The following PPP4R3A variants were observed in gnomAD, a reference collection of about 807,000 sequenced individuals.
The protein encoded by PPP4R3A is serine/threonine-protein phosphatase 4 regulatory subunit 3A.
A neutral mutation model predicts 91.7 loss-of-function variants in PPP4R3A; 15 were observed. The observed-to-expected ratio is 0.16, with a 90% CI of 0.11 to 0.25. The LOEUF (loss-of-function observed/expected upper bound fraction) is 0.25, where lower values mean the gene tolerates loss of function less well. PPP4R3A is among the 10% of genes least tolerant of loss of function. The pLI is 1.00. For missense variants in PPP4R3A, 623 were observed against 998.4 expected, an observed-to-expected ratio of 0.62 and a Z score of 5.07; for synonymous variants, 377 against 348.7, an observed-to-expected ratio of 1.08 and a Z score of -0.91.
At chr14:91,461,693 C>T (rs1888172384) in intron 13 of PPP4R3A, 86 bp from the exon 14 acceptor site, 3 of 1,291,340 alleles carry the variant, frequency 2.3e-6, no homozygotes, top group Non-Finnish European at 1.1e-6. Context: ...ACACATTTAA[C>T]TAGCTTACTA....
intron 2 of PPP4R3A, among the ~76,000 whole-genome samples, chr14:91,486,421 C>G (rs1889886301): frequency 6.6e-6 from 1 of 152,138 alleles, no homozygotes; most frequent in South Asian, 2.1e-4. Flanking sequence ...GCCCTCCCGC[C>G]TTGGCCTCCC....
At chr14:91,468,742 T>C (rs1316736982) in intron 10 of PPP4R3A, among the ~76,000 whole-genome samples, 1 of 151,012 alleles carries the variant, frequency 6.6e-6, no homozygotes, top group Non-Finnish European at 1.5e-5. Flanking sequence ...CACACTTTTT[T>C]TTTTTACCCA....
intron 3 of PPP4R3A, among the ~76,000 whole-genome samples, chr14:91,485,011 G>A (rs1889800262): frequency 6.6e-6 from 1 of 151,914 alleles, no homozygotes; most frequent in Admixed American, 6.6e-5. Flanking sequence ...TACTGCTCAA[G>A]ACAAGTACAA....
rs200903867 is a variant in PPP4R3A at position 91,481,870 on chromosome 14, A to G, written c.621T>C (p.Leu207=). ...KGIFLLNRTA[L]FEVMFSEECI... Reference sequence around the variant, plus strand: ...ATTCTTCAGAGAACATAACTTCAAAAAGAGCAGTTCGATTCAAGAGAAAGA... The same window carrying G: ...ATTCTTCAGAGAACATAACTTCAAAGAGAGCAGTTCGATTCAAGAGAAAGA... Residue 207 remains leucine (L), a synonymous_variant, in exon 4 of 15, where the codon CTT becomes CTC. Coordinates refer to ENST00000554943, the MANE Select transcript of PPP4R3A (RefSeq NM_001366432.2). 2.1e-5 allele frequency: 34 copies of G among 1,614,160 alleles called. No individual in the cohort carries two copies. The highest frequency in any genetic ancestry group is 2.5e-5 in the Non-Finnish European group (29 of 1,180,042).
rs569583665 is a variant in PPP4R3A at position 91,461,187 on chromosome 14, ATT to A, written c.2391+192_2391+193del. On this transcript the variant is annotated intron_variant, in intron 14 of 14. Transcript: ENST00000554943. ...GAATTCACACTATATGCAGACTTGC[ATT>A]GGTCATAAAAAAAACTTTCAGAAAT... Among the ~76,000 whole-genome samples, 837 of 152,208 alleles carry A rather than the reference ATT, an allele frequency of 5.5e-3. 5 individuals carry two copies. Among genetic ancestry groups the A allele is most frequent in the African/African-American group, 0.019 (794 of 41,502 alleles).
rs775663211 is a variant in PPP4R3A at position 91,471,006 on chromosome 14, C to T, written c.1502-11G>A. On this transcript the variant is annotated splice_polypyrimidine_tract_variant and intron_variant, in intron 9 of 14. Transcript: ENST00000554943. Reference sequence around the variant, plus strand: ...CAGTCTGAAAATCATCTAAAAGAAACAAAACACAACTAATTATATTTAATG... The same window carrying T: ...CAGTCTGAAAATCATCTAAAAGAAATAAAACACAACTAATTATATTTAATG... 16 of 1,570,472 alleles carry T rather than the reference C, an allele frequency of 1.0e-5. No homozygotes were observed. The highest frequency in any genetic ancestry group is 1.4e-5 in the African/African-American group (1 of 72,290).
chr14:91,464,761 A>G (rs1300938587), intron 11 of PPP4R3A, among the ~76,000 whole-genome samples: 2 of 152,232 alleles, frequency 1.3e-5, no homozygotes, highest in Non-Finnish European at 2.9e-5. Context: ...GCTTTCTTAA[A>G]ATGATTACTG....
At chr14:91,466,316 G>C in intron 10 of PPP4R3A, 1 of 985,768 alleles carries the variant, frequency 1.0e-6, no homozygotes, top group South Asian at 4.7e-5. Flanking sequence ...TTTGTATTTT[G>C]GTTTCTTTGG....
At chr14:91,503,455 A>C (rs1309774070) in intron 1 of PPP4R3A, among the ~76,000 whole-genome samples, 1 of 152,172 alleles carries the variant, frequency 6.6e-6, no homozygotes, top group Non-Finnish European at 1.5e-5. Context: ...TGGCTAATTT[A>C]GAAATTTTTA....
At chr14:91,475,356 G>A (rs773801395) in intron 7 of PPP4R3A, 7 of 166,158 alleles carry the variant, frequency 4.2e-5, no homozygotes, top group Admixed American at 2.9e-4. Context: ...TGTGAACAAC[G>A]TAACAGCTTG....
At chr14:91,475,069 T>C (rs555333315) in intron 7 of PPP4R3A, 5 of 152,162 alleles carry the variant, frequency 3.3e-5, no homozygotes, top group African/African-American at 9.6e-5. Flanking sequence ...TTTTTTTTTT[T>C]CCTTAGGGGA....
At chr14:91,461,833 T>C in intron 13 of PPP4R3A, 2 of 910,064 alleles carry the variant, frequency 2.2e-6, no homozygotes, top group Non-Finnish European at 3.2e-6. Context: ...ATCCCTACCC[T>C]TCCTGAAATA....
chr14:91,494,877 C>G (rs559091111), intron 1 of PPP4R3A, among the ~76,000 whole-genome samples: 1 of 152,152 alleles, frequency 6.6e-6, no homozygotes, highest in African/African-American at 2.4e-5. Flanking sequence ...AAAACAAAAA[C>G]CAAAACCACA....
intron 1 of PPP4R3A, among the ~76,000 whole-genome samples, chr14:91,507,434 A>T (rs192925850): frequency 1.2e-5 from 1 of 81,108 alleles, no homozygotes; most frequent in African/African-American, 6.6e-5. Context: ...ATATACTATA[A>T]TTATATATAC....
At position 91,488,907 on chromosome 14, in the gene PPP4R3A, C is replaced by CTTTT. The variant is rs10691130; in HGVS notation, c.198+1836_198+1839dup. On this transcript the variant is annotated intron_variant, in intron 2 of 14. Transcript: ENST00000554943. ...AAAACTAGTCATAATATAGATACCA[C>CTTTT]TTTTTTTTTTTTTTTTTTGAGATGG... Among the ~76,000 whole-genome samples the CTTTT allele has an allele frequency of 3.3e-4, 41 of 122,832 alleles. 1 individual carries two copies. Among genetic ancestry groups the CTTTT allele is most frequent in the African/African-American group, 9.9e-4 (32 of 32,180 alleles). 80.6% of individuals were successfully genotyped at this position (122,832 alleles called of 152,430 possible).
chr14:91,465,436 T>C lies in PPP4R3A; in HGVS notation c.1661-17A>G, dbSNP rs545345140. On this transcript the variant is annotated splice_polypyrimidine_tract_variant and intron_variant, in intron 10 of 14. Transcript: ENST00000554943. Reference sequence around the variant, plus strand: ...GAAGGGCACCTGAAACACAGAGGCATGGTTGTTTAAATCACATACCACTCT... The same window carrying C: ...GAAGGGCACCTGAAACACAGAGGCACGGTTGTTTAAATCACATACCACTCT... The C allele has an allele frequency of 6.4e-6, 10 of 1,561,520 alleles. No homozygotes were observed. In the South Asian group the frequency reaches 9.9e-5, roughly 15 times the overall value.
intron 10 of PPP4R3A, among the ~76,000 whole-genome samples, chr14:91,465,931 A>C (rs1027375184): frequency 6.6e-6 from 1 of 152,254 alleles, no homozygotes; most frequent in Non-Finnish European, 1.5e-5. Context: ...CCATCAACCC[A>C]CAAAAATCTG....
chr14:91,485,787 GAACA>G (rs1889842813), intron 2 of PPP4R3A, 57 bp from the exon 3 acceptor site: 8 of 1,177,492 alleles, frequency 6.8e-6, no homozygotes, highest in South Asian at 3.0e-5. Flanking sequence ...AAACGAAAAT[GAACA>G]AACAAAAGGA....
chr14:91,472,455 A>AT (rs1337098016), intron 9 of PPP4R3A, among the ~76,000 whole-genome samples: 144 of 86,394 alleles, frequency 1.7e-3, no homozygotes, highest in African/African-American at 5.8e-3. Context: ...TTTCAGGAAA[A>AT]TTGTTTTTTT....
Sources: allele counts gnomAD v4.1 joint callset (sites outside exome capture counted in the v4.1 genomes callset), GRCh38; gene constraint gnomAD v4.1.1; transcripts MANE v1.5; gene names NCBI Gene and HGNC (gene_info 2026-07-23, HGNC 2026-07-21).